The following SKAP1 variants were observed in gnomAD, a reference collection of about 807,000 sequenced individuals.
The protein encoded by SKAP1 is src kinase-associated phosphoprotein 1.
SKAP1 carries 44 observed loss-of-function variants against 58.5 expected under a neutral mutation model. That is an observed-to-expected ratio of 0.75 (90% CI 0.59 to 0.97). SKAP1 has a LOEUF of 0.97. Among genes scored for constraint, SKAP1 ranks in the 50% least tolerant of loss-of-function variants. The pLI, the probability that SKAP1 is intolerant of heterozygous loss-of-function variation, is 0.00. For missense variants in SKAP1, 390 were observed against 435.2 expected (o/e 0.90, Z 0.92); for synonymous variants, 127 against 149.7 (o/e 0.85, Z 1.11).
intron 4 of SKAP1, among the ~76,000 whole-genome samples, chr17:48,342,875 C>T (rs1160117699): frequency 7.2e-5 from 11 of 152,088 alleles, no homozygotes; most frequent in African/African-American, 2.7e-4. Context: ...GTCCCAGCTA[C>T]TTGGGAGGCT....
intron 3 of SKAP1, among the ~76,000 whole-genome samples, chr17:48,349,114 GA>G (rs1235091919): frequency 6.6e-6 from 1 of 152,192 alleles, no homozygotes; most frequent in Non-Finnish European, 1.5e-5. Flanking sequence ...CCATGTAATT[GA>G]AATGATTACA....
chr17:48,235,748 G>A (rs1184770448), intron 4 of SKAP1, among the ~76,000 whole-genome samples: 2 of 152,170 alleles, frequency 1.3e-5, no homozygotes, highest in African/African-American at 4.8e-5. Flanking sequence ...AGTGTATGAT[G>A]CTATTCCACT....
chr17:48,284,331 GT>G (rs1181243575), intron 4 of SKAP1, among the ~76,000 whole-genome samples: 1 of 152,176 alleles, frequency 6.6e-6, no homozygotes, highest in African/African-American at 2.4e-5. Flanking sequence ...TTTATGGTGG[GT>G]TTGAAACACT....
chr17:48,199,163 C>T (rs1367880661), intron 4 of SKAP1, among the ~76,000 whole-genome samples: 1 of 152,194 alleles, frequency 6.6e-6, no homozygotes, highest in Admixed American at 6.5e-5. Context: ...TTTAGAATCA[C>T]TTTTTAACTG....
chr17:48,395,054 C>T (rs575038375), intron 2 of SKAP1, among the ~76,000 whole-genome samples: 75 of 152,268 alleles, frequency 4.9e-4, no homozygotes, highest in Non-Finnish European at 9.7e-4. Flanking sequence ...TGAATGTCTA[C>T]CCCACAAACC....
In SKAP1 at chr17:48,192,324, C is replaced by T. The variant is rs115775081; in HGVS notation, c.281-2824G>A. On this transcript the variant is annotated intron_variant, in intron 4 of 12. Coordinates refer to ENST00000336915, the MANE Select transcript of SKAP1 (RefSeq NM_003726.4). ...TTTTCTTTTTAAAGGTCTTGTTAAA[C>T]TTAGAGACACAGCTCCTTGTCAAAG... is the stretch of plus-strand genomic sequence containing the variant. Among the ~76,000 whole-genome samples, 1,318 of 151,766 alleles carry T rather than the reference C, an allele frequency of 8.7e-3. 27 individuals carry two copies. Among genetic ancestry groups the T allele is most frequent in the African/African-American group, 0.03 (1,250 of 41,342 alleles).
chr17:48,243,055 C>G (rs1598462644), intron 4 of SKAP1, among the ~76,000 whole-genome samples: 2 of 152,194 alleles, frequency 1.3e-5, no homozygotes, highest in East Asian at 1.9e-4. Context: ...CACAATATTT[C>G]CATTTTGCAA....
At chr17:48,341,272 C>G (rs1677504335) in intron 4 of SKAP1, among the ~76,000 whole-genome samples, 1 of 152,170 alleles carries the variant, frequency 6.6e-6, no homozygotes, top group South Asian at 2.1e-4. Flanking sequence ...AACTTGAACT[C>G]TGGCTACAAT....
intron 4 of SKAP1, among the ~76,000 whole-genome samples, chr17:48,243,729 G>C (rs979554755): frequency 2.0e-5 from 3 of 152,050 alleles, no homozygotes; most frequent in Non-Finnish European, 2.9e-5. Context: ...TATAAAACAG[G>C]CTTCAGTGAT....
chr17:48,217,235 G>A (rs1427325669), intron 4 of SKAP1, among the ~76,000 whole-genome samples: 1 of 152,004 alleles, frequency 6.6e-6, no homozygotes, highest in East Asian at 1.9e-4. Context: ...TCAATAGAAA[G>A]CAAGCAAAAA....
chr17:48,405,437 CTTTCTTTCTTTCT>C (rs753192663), intron 1 of SKAP1, among the ~76,000 whole-genome samples: 1,356 of 80,132 alleles, frequency 0.017, 28 homozygotes, highest in East Asian at 0.035. Context: ...TTCTTTCTTT[CTTTCTTTCTTTCT>C]TTTCTTTCTT....
chr17:48,409,791 A>G (rs1212618558), intron 1 of SKAP1, among the ~76,000 whole-genome samples: 5 of 152,194 alleles, frequency 3.3e-5, no homozygotes, highest in Admixed American at 2.0e-4. Flanking sequence ...ACCGTATCAT[A>G]CTATAATGGC....
chr17:48,311,663 C>G (rs146533241), intron 4 of SKAP1, among the ~76,000 whole-genome samples: 15 of 152,300 alleles, frequency 9.8e-5, no homozygotes, highest in East Asian at 9.6e-4. Context: ...ACTGCCCCTG[C>G]CCTTTAATTC....
intron 1 of SKAP1, among the ~76,000 whole-genome samples, chr17:48,410,745 G>A (rs1315641591): frequency 6.6e-6 from 1 of 151,896 alleles, no homozygotes; most frequent in Non-Finnish European, 1.5e-5. Context: ...TGGCCAACAT[G>A]GTGAAACCTG....
At chr17:48,159,552 G>C (rs769244802) in intron 11 of SKAP1, among the ~76,000 whole-genome samples, 8 of 152,200 alleles carry the variant, frequency 5.3e-5, no homozygotes, top group African/African-American at 1.7e-4. Context: ...CCTTACAGGC[G>C]TGAGAGGCAG....
chr17:48,321,864 A>G (rs983677855), intron 4 of SKAP1, among the ~76,000 whole-genome samples: 2 of 152,156 alleles, frequency 1.3e-5, no homozygotes, highest in African/African-American at 4.8e-5. Flanking sequence ...TTTTTAAAAA[A>G]TACTTCACAG....
intron 2 of SKAP1, 44 bp from the exon 3 acceptor site, chr17:48,363,858 T>C: frequency 1.3e-6 from 2 of 1,577,332 alleles, no homozygotes; most frequent in Non-Finnish European, 1.7e-6. Context: ...GTCAAACTTG[T>C]ATTTCTCAAT....
intron 3 of SKAP1, among the ~76,000 whole-genome samples, chr17:48,346,686 C>T (rs2066728393): frequency 6.6e-6 from 1 of 152,000 alleles, no homozygotes; most frequent in Admixed American, 6.6e-5. Flanking sequence ...ACAACCTTTA[C>T]CCTGCATGCC....
intron 4 of SKAP1, among the ~76,000 whole-genome samples, chr17:48,244,397 G>A (rs1409504219): frequency 1.3e-5 from 2 of 152,120 alleles, no homozygotes; most frequent in Non-Finnish European, 2.9e-5. Flanking sequence ...GGAGATTGAC[G>A]CCATAAAGGC....
Sources: gnomAD v4.1 joint callset for allele counts (sites outside exome capture counted in the v4.1 genomes callset) on GRCh38, gnomAD v4.1.1 for gene constraint, MANE v1.5 for transcripts, NCBI Gene and HGNC (gene_info 2026-07-23, HGNC 2026-07-21) for gene names.